CCDC146: variants seen among roughly 807,000 people sequenced by gnomAD.
CCDC146 encodes the protein coiled-coil domain containing 146.
CCDC146 carries 92 observed loss-of-function variants against 119.3 expected under a neutral mutation model. The observed-to-expected ratio is 0.77, with a 90% CI of 0.65 to 0.92. CCDC146 has a LOEUF of 0.92. Among genes scored for constraint, CCDC146 ranks in the 40% least tolerant of loss-of-function variants. CCDC146 has a pLI of 0.00. For missense variants in CCDC146, 1,000 were observed against 1,103.0 expected (o/e 0.91, Z 1.32); for synonymous variants, 372 against 371.8 (o/e 1.00, Z -0.01).
At chr7:77,279,135 G>A in intron 13 of CCDC146, 34 bp downstream of exon 13, 4 of 1,590,354 alleles carry the variant, frequency 2.5e-6, no homozygotes, top group Non-Finnish European at 3.4e-6. Context: ...CCTTTCAAAG[G>A]CTTGTTTTCT....
intron 4 of CCDC146, among the ~76,000 whole-genome samples, chr7:77,250,930 A>T (rs1390518208): frequency 6.9e-6 from 1 of 144,272 alleles, no homozygotes; most frequent in Non-Finnish European, 1.5e-5. Flanking sequence ...AGCCTATTAG[A>T]GGCATTCTTC....
chr7:77,193,208 G>A lies in CCDC146; in HGVS notation c.156+25384G>A, dbSNP rs577270095. ...AAACTGAAACTTTTGTATTTCAAATGTTTCAACAGTATTCTAGAGGGAAGT... is the reference window on the plus strand; with the variant it reads ...AAACTGAAACTTTTGTATTTCAAATATTTCAACAGTATTCTAGAGGGAAGT... On this transcript the variant is annotated intron_variant, in intron 2 of 18. Transcript: ENST00000285871. Among the ~76,000 whole-genome samples the A allele has an allele frequency of 3.9e-5, 6 of 152,280 alleles. No individual in the cohort carries two copies. The East Asian group carries it at 9.6e-4, about 24-fold the overall frequency.
chr7:77,210,263 T>C (rs1436743254), intron 2 of CCDC146, among the ~76,000 whole-genome samples: 2 of 152,242 alleles, frequency 1.3e-5, no homozygotes, highest in African/African-American at 2.4e-5. Flanking sequence ...CATGTTTTGC[T>C]GCTTAGAAGT....
chr7:77,160,243 G>A (rs1186990880), intron 1 of CCDC146, among the ~76,000 whole-genome samples: 2 of 152,140 alleles, frequency 1.3e-5, no homozygotes, highest in African/African-American at 2.4e-5. Context: ...GATTGACTTG[G>A]CGATGTGGGC....
intron 2 of CCDC146, among the ~76,000 whole-genome samples, chr7:77,217,867 T>C (rs1792329452): frequency 6.6e-6 from 1 of 152,028 alleles, no homozygotes. Context: ...AAAGGTACAG[T>C]AAAAATATAA....
intron 3 of CCDC146, among the ~76,000 whole-genome samples, chr7:77,239,156 T>C (rs576563556): frequency 1.3e-5 from 2 of 152,324 alleles, no homozygotes; most frequent in African/African-American, 2.4e-5. Flanking sequence ...TGTGGGTAAG[T>C]TGCGATTTGT....
chr7:77,226,690 G>T (rs1792521399), intron 2 of CCDC146, among the ~76,000 whole-genome samples: 1 of 152,030 alleles, frequency 6.6e-6, no homozygotes, highest in Non-Finnish European at 1.5e-5. Flanking sequence ...ACCTTTCATT[G>T]TGTATGCTCT....
intron 4 of CCDC146, among the ~76,000 whole-genome samples, chr7:77,250,501 ACT>A (rs1793036831): frequency 6.6e-6 from 1 of 151,650 alleles, no homozygotes; most frequent in Admixed American, 6.6e-5. Flanking sequence ...ATTTCACTCT[ACT>A]CTCTTCTTGC....
intron 13 of CCDC146, among the ~76,000 whole-genome samples, chr7:77,279,646 T>C (rs936808495): frequency 6.6e-6 from 1 of 152,214 alleles, no homozygotes. Context: ...CTCCCACTTA[T>C]TACCTCTGTA....
In CCDC146 at chr7:77,260,240, A is replaced by T. The variant is rs368399443; in HGVS notation, c.986+4A>T. 1.3e-6 allele frequency: 2 copies of T among 1,599,188 alleles called. No homozygotes were observed. On this transcript the variant is annotated splice_donor_region_variant and intron_variant, in intron 8 of 18. Transcript: ENST00000285871. ...AAGCAACTTCATTAACTGAAAGGTT[A>T]GTTATATTTATGTATGTTATGTTCT...
intron 2 of CCDC146, among the ~76,000 whole-genome samples, chr7:77,229,176 T>C (rs1467633531): frequency 2.6e-5 from 4 of 152,274 alleles, no homozygotes; most frequent in Admixed American, 6.5e-5. Flanking sequence ...TAGGGTTATT[T>C]GGCTTTTTCT....
At chr7:77,232,158 G>C (rs566859902) in intron 2 of CCDC146, among the ~76,000 whole-genome samples, 1 of 152,040 alleles carries the variant, frequency 6.6e-6, no homozygotes, top group African/African-American at 2.4e-5. Context: ...TGTTGCCCTC[G>C]GTCAGTCACT....
chr7:77,207,406 G>A (rs1490162500), intron 2 of CCDC146, among the ~76,000 whole-genome samples: 1 of 152,030 alleles, frequency 6.6e-6, no homozygotes, highest in African/African-American at 2.4e-5. Flanking sequence ...ACCATTATTT[G>A]ACACAGCTTT....
intron 4 of CCDC146, chr7:77,242,232 C>A (rs959969404): frequency 1.0e-5 from 4 of 395,766 alleles, no homozygotes; most frequent in Non-Finnish European, 1.2e-5. Flanking sequence ...GCCCCCTCAT[C>A]CCATGACTAT....
At chr7:77,134,551 G>GCA (rs1389851226) in intron 1 of CCDC146, among the ~76,000 whole-genome samples, 13 of 114,162 alleles carry the variant, frequency 1.1e-4, no homozygotes, top group African/African-American at 4.8e-4. Flanking sequence ...CTGTGTGTGT[G>GCA]TGTGTGTGTG....
chr7:77,244,377 G>T (rs116575642), intron 4 of CCDC146, among the ~76,000 whole-genome samples: 2,099 of 152,196 alleles, frequency 0.014, 45 homozygotes, highest in African/African-American at 0.048. Context: ...AATGTCCTAG[G>T]TCTTCACATT....
intron 1 of CCDC146, among the ~76,000 whole-genome samples, chr7:77,160,303 A>G (rs1015835659): frequency 6.6e-6 from 1 of 152,190 alleles, no homozygotes; most frequent in Non-Finnish European, 1.5e-5. Context: ...CAATTCTGTG[A>G]AGAAAGTAAT....
chr7:77,208,519 T>C (rs1043449215), intron 2 of CCDC146, among the ~76,000 whole-genome samples: 3 of 152,250 alleles, frequency 2.0e-5, no homozygotes, highest in Admixed American at 6.5e-5. Context: ...TATAATCTTA[T>C]GGCACCACCA....
chr7:77,216,064 TATAA>T (rs1174312607), intron 2 of CCDC146, among the ~76,000 whole-genome samples: 12 of 152,148 alleles, frequency 7.9e-5, no homozygotes, highest in Non-Finnish European at 2.9e-5. Context: ...TCTTTATATT[TATAA>T]ATAGTCTTTT....
Sources: gnomAD v4.1 joint callset for allele counts (sites outside exome capture counted in the v4.1 genomes callset) on GRCh38, gnomAD v4.1.1 for gene constraint, MANE v1.5 for transcripts, NCBI Gene and HGNC (gene_info 2026-07-23, HGNC 2026-07-21) for gene names.